The following RAD54L2 variants were observed in gnomAD, a reference collection of about 807,000 sequenced individuals.
RAD54L2 encodes the protein RAD54 like 2, also known as helicase ARIP4.
Under a neutral mutation model 138.4 loss-of-function variants are expected in RAD54L2, and 27 were observed. The observed-to-expected ratio is 0.20, with a 90% confidence interval of 0.14 to 0.27. RAD54L2 has a LOEUF of 0.27. RAD54L2 is among the 10% of genes least tolerant of loss of function. RAD54L2 has a pLI of 1.00. For synonymous variants in RAD54L2, 644 were observed against 723.2 expected (o/e 0.89, Z 1.76); for missense variants, 1,396 against 1,890.2 (o/e 0.74, Z 4.85).
chr3:51,596,305 C>T (rs925914290), intron 3 of RAD54L2, among the ~76,000 whole-genome samples: 4 of 150,506 alleles, frequency 2.7e-5, no homozygotes, highest in African/African-American at 9.8e-5. Flanking sequence ...ATAGGGAGCC[C>T]AGACCAAGAG....
chr3:51,598,312 C>G (rs1700015392), intron 3 of RAD54L2, among the ~76,000 whole-genome samples: 1 of 152,006 alleles, frequency 6.6e-6, no homozygotes, highest in Non-Finnish European at 1.5e-5. Flanking sequence ...TCCTGCCATC[C>G]TTTTACCTGC....
At chr3:51,540,401 G>T (rs1429190426) in intron 1 of RAD54L2, among the ~76,000 whole-genome samples, 1 of 152,180 alleles carries the variant, frequency 6.6e-6, no homozygotes, top group Non-Finnish European at 1.5e-5. Flanking sequence ...CATCTTCAAT[G>T]AATTTGGCCT....
At chr3:51,632,823 T>C (rs1700883219) in intron 7 of RAD54L2, among the ~76,000 whole-genome samples, 1 of 139,160 alleles carries the variant, frequency 7.2e-6, no homozygotes, top group Non-Finnish European at 1.5e-5. Flanking sequence ...ACCGGGGAAA[T>C]GGGAGGTTGC....
In RAD54L2 at chr3:51,651,549, C is replaced by T. The variant is rs180854305; in HGVS notation, c.3027-4422C>T. ...GTGAAAATCCTCAATAATATACTGG[C>T]AAACAGAATCTAACAGCATATCAAA... On this transcript the variant is annotated intron_variant, in intron 19 of 22. Coordinates refer to ENST00000684192, the MANE Select transcript of RAD54L2 (RefSeq NM_015106.4). Among the ~76,000 whole-genome samples the T allele has an allele frequency of 3.8e-3, 581 of 152,236 alleles. 1 individual carries two copies. Among genetic ancestry groups the T allele is most frequent in the Middle Eastern group, 6.8e-3 (2 of 294 alleles).
intron 2 of RAD54L2, among the ~76,000 whole-genome samples, chr3:51,566,466 GTTTTTT>G (rs71084149): frequency 3.2e-4 from 10 of 31,534 alleles, no homozygotes; most frequent in East Asian, 1.4e-3. Context: ...CCTTTTCTGC[GTTTTTT>G]TTTTTTTTTT....
chr3:51,582,025 G>A (rs1230965489), intron 2 of RAD54L2, among the ~76,000 whole-genome samples: 2 of 151,746 alleles, frequency 1.3e-5, no homozygotes, highest in Non-Finnish European at 2.9e-5. Context: ...CTGAGCTCAA[G>A]TGATCCTCTG....
At chr3:51,649,863 A>G (rs1701384498) in intron 19 of RAD54L2, among the ~76,000 whole-genome samples, 1 of 152,242 alleles carries the variant, frequency 6.6e-6, no homozygotes, top group South Asian at 2.1e-4. Context: ...GATGCTAGGA[A>G]GAAACTGCAT....
chr3:51,617,388 T>C (rs1039774588), intron 3 of RAD54L2, among the ~76,000 whole-genome samples: 26 of 152,222 alleles, frequency 1.7e-4, no homozygotes, highest in Admixed American at 1.5e-3. Flanking sequence ...TAGCACTTGT[T>C]ATTAGTTTTA....
chr3:51,583,058 C>G (rs1165650526), intron 2 of RAD54L2, among the ~76,000 whole-genome samples: 1 of 152,144 alleles, frequency 6.6e-6, no homozygotes, highest in Non-Finnish European at 1.5e-5. Flanking sequence ...AGCCACCATG[C>G]CCGGCCAAGA....
chr3:51,542,008 C>G (rs1049635853), intron 2 of RAD54L2: 1 of 152,140 alleles, frequency 6.6e-6, no homozygotes, highest in Non-Finnish European at 1.5e-5. Context: ...TTCAGAAACT[C>G]TTGGAAATAA....
In RAD54L2 at chr3:51,638,450, A is replaced by G; in HGVS notation, c.1860+129A>G. 1 of 1,128,474 alleles carries G rather than the reference A, an allele frequency of 8.9e-7. No individual in the cohort carries two copies. Among genetic ancestry groups the G allele is most frequent in the Non-Finnish European group, 1.3e-6 (1 of 798,236 alleles). The allele number at this position is 1,128,474 out of a possible 1,614,324, so 69.9% of individuals were successfully genotyped here. ...AGAGGGGGCCACCTCAGTTCACTGCACTGGAGGTTTGGGGGCTCCAAGGAG... is the reference window on the plus strand; with the variant it reads ...AGAGGGGGCCACCTCAGTTCACTGCGCTGGAGGTTTGGGGGCTCCAAGGAG... On this transcript the variant is annotated intron_variant, in intron 12 of 22. Transcript: ENST00000684192. This position sits in a 1 kb window ranked among gnomAD's most constrained non-coding sequence, Gnocchi z 4.3.
rs1377904886 is a variant in RAD54L2 at position 51,662,446 on chromosome 3, G to A, written c.3430G>A (p.Glu1144Lys). ...AASGSQGPSC[E>K]STSNGRHSAS... ...CCCAGGTTCCCAGGGACCTTCTTGCGAGTCCACAAGCAACGGCAGACACAG... is the reference window on the plus strand; with the variant it reads ...CCCAGGTTCCCAGGGACCTTCTTGCAAGTCCACAAGCAACGGCAGACACAG... The change falls in exon 23 of 23, where the codon GAG becomes AAG. Residue 1144 changes from glutamate (E) to lysine (K), a missense_variant. Transcript: ENST00000684192. The surrounding 1 kb of genome is among the most constrained non-coding windows in gnomAD (Gnocchi z 4.6). The A allele has an allele frequency of 1.2e-5, 18 of 1,527,616 alleles. No individual in the cohort carries two copies. Among genetic ancestry groups the A allele is most frequent in the African/African-American group, 2.8e-5 (2 of 71,930 alleles). 94.6% of individuals were successfully genotyped at this position (1,527,616 alleles called of 1,614,324 possible).
At chr3:51,657,004 T>A (rs944360156) in intron 20 of RAD54L2, among the ~76,000 whole-genome samples, 2 of 152,210 alleles carry the variant, frequency 1.3e-5, no homozygotes, top group Non-Finnish European at 2.9e-5. Context: ...CCCACAGTGC[T>A]GGGATTACAG....
Position 51,638,136 on chromosome 3 carries a change from C to G in RAD54L2, c.1683-8C>G. ...ACCTTGCCGTTTCTGTTCTGTTTGCCTCCATAGGAGAGGCCACACTGTGCT... is the reference window on the plus strand; with the variant it reads ...ACCTTGCCGTTTCTGTTCTGTTTGCGTCCATAGGAGAGGCCACACTGTGCT... On this transcript the variant is annotated splice_polypyrimidine_tract_variant and splice_region_variant and intron_variant, in intron 11 of 22. Coordinates refer to ENST00000684192, the MANE Select transcript of RAD54L2 (RefSeq NM_015106.4). The surrounding 1 kb of genome is among the most constrained non-coding windows in gnomAD (Gnocchi z 4.3). 6.2e-7 allele frequency: 1 copy of G among 1,613,538 alleles called. No individual in the cohort carries two copies. The highest frequency in any genetic ancestry group is 8.5e-7 in the Non-Finnish European group (1 of 1,179,552).
intron 2 of RAD54L2, among the ~76,000 whole-genome samples, chr3:51,571,198 A>C (rs1055479985): frequency 1.3e-5 from 2 of 152,024 alleles, no homozygotes; most frequent in African/African-American, 4.8e-5. Context: ...TTTTTCTCCA[A>C]AATAAAGGTC....
At chr3:51,553,483 T>C (rs1177519709) in intron 2 of RAD54L2, among the ~76,000 whole-genome samples, 1 of 152,192 alleles carries the variant, frequency 6.6e-6, no homozygotes, top group Non-Finnish European at 1.5e-5. Context: ...AAGCAAATAT[T>C]GCAATAAAGC....
In RAD54L2 at chr3:51,629,391, G is replaced by A; in HGVS notation, c.399G>A (p.Glu133=). ...EPVTKAAQQE[E]LERRKRLEQQ... is the part of the protein sequence containing the mutation. ...TTACCAAAGCAGCACAGCAAGAAGA[G>A]TTGGAAAGAAGGAAGCGCCTGGAGC... Residue 133 remains glutamate, a synonymous_variant, in exon 5 of 23, where the codon GAG becomes GAA. Transcript: ENST00000684192. 1 of 1,606,328 alleles carries A rather than the reference G, an allele frequency of 6.2e-7. No individual in the cohort carries two copies. The highest frequency in any genetic ancestry group is 1.3e-5 in the African/African-American group (1 of 74,944).
chr3:51,546,184 C>G (rs528667871), intron 2 of RAD54L2, among the ~76,000 whole-genome samples: 1 of 151,652 alleles, frequency 6.6e-6, no homozygotes, highest in East Asian at 2.0e-4. Context: ...GGTGATCCCC[C>G]CTCCTCAGCC....
Position 51,627,476 on chromosome 3 carries a change from G to A in RAD54L2, c.140-77G>A, listed in dbSNP as rs1270156737. 5 of 1,394,334 alleles carry A rather than the reference G, an allele frequency of 3.6e-6. No individual in the cohort carries two copies. In the African/African-American group the frequency reaches 7.2e-5, roughly 20 times the overall value. 86.4% of individuals were successfully genotyped at this position (1,394,334 alleles called of 1,614,324 possible). A position where few individuals can be genotyped will look rare whatever the true frequency, so the allele number is the denominator to read the frequency against. ...CTAATAAGTTGCTGAGTTGAGATTTGAACCCAGGTGTGTCTGTCATCCAGA... is the reference window on the plus strand; with the variant it reads ...CTAATAAGTTGCTGAGTTGAGATTTAAACCCAGGTGTGTCTGTCATCCAGA... On this transcript the variant is annotated intron_variant, in intron 3 of 22. Transcript: ENST00000684192.
Sources: allele counts gnomAD v4.1 joint callset (sites outside exome capture counted in the v4.1 genomes callset), GRCh38; gene constraint gnomAD v4.1.1; non-coding constraint Gnocchi (gnomAD v3.1); transcripts MANE v1.5; gene names NCBI Gene and HGNC (gene_info 2026-07-23, HGNC 2026-07-21).